The following MED13L variants were observed in gnomAD, a reference collection of about 807,000 sequenced individuals.
MED13L encodes the protein mediator of RNA polymerase II transcription subunit 13-like.
In MED13L, 7 loss-of-function variants were observed where a neutral mutation model predicts 220.9. That is an observed-to-expected ratio of 0.03 (90% CI 0.02 to 0.06). MED13L has a LOEUF of 0.06. Ranked by LOEUF, MED13L falls within the 10% of genes least tolerant of loss-of-function variation. MED13L has a pLI of 1.00. For missense variants in MED13L, 1,965 were observed against 2,760.5 expected (o/e 0.71, Z 6.46); for synonymous variants, 1,011 against 1,015.2 (o/e 1.00, Z 0.08).
intron 2 of MED13L, among the ~76,000 whole-genome samples, chr12:116,197,073 CA>C (rs1197983720): frequency 6.6e-6 from 1 of 152,178 alleles, no homozygotes; most frequent in Non-Finnish European, 1.5e-5. Context: ...CAAGACAAAG[CA>C]TACTCTTTGC....
chr12:116,144,880 A>C (rs1015980644), intron 2 of MED13L, among the ~76,000 whole-genome samples: 1 of 152,122 alleles, frequency 6.6e-6, no homozygotes. Context: ...ATGCTACAAC[A>C]CCGCTTCAAG....
intron 2 of MED13L, among the ~76,000 whole-genome samples, chr12:116,118,854 A>C (rs1039495305): frequency 6.6e-6 from 1 of 152,236 alleles, no homozygotes; most frequent in African/African-American, 2.4e-5. Flanking sequence ...AACCACTCGG[A>C]AGCAAAAATT....
intron 2 of MED13L, among the ~76,000 whole-genome samples, chr12:116,218,197 T>C (rs947453001): frequency 2.0e-5 from 3 of 152,224 alleles, no homozygotes; most frequent in African/African-American, 7.2e-5. Flanking sequence ...TCAAGTTTAC[T>C]TCGTATAATA....
chr12:116,205,943 T>G (rs1414467403), intron 2 of MED13L, among the ~76,000 whole-genome samples: 31 of 28,328 alleles, frequency 1.1e-3, no homozygotes, highest in Middle Eastern at 0.018. Flanking sequence ...TAAAAACTTG[T>G]TTTTTTTTTT....
chr12:116,030,953 T>C (rs1880701289), intron 4 of MED13L, among the ~76,000 whole-genome samples: 1 of 152,222 alleles, frequency 6.6e-6, no homozygotes, highest in Non-Finnish European at 1.5e-5. Context: ...AATGATGTGA[T>C]GAATTAACAT....
intron 1 of MED13L, among the ~76,000 whole-genome samples, chr12:116,240,762 C>T (rs1267709239): frequency 6.7e-6 from 1 of 148,324 alleles, no homozygotes; most frequent in African/African-American, 2.5e-5. Context: ...CTCCTGACCT[C>T]GTGACCCGCC....
chr12:116,138,510 A>G (rs1262951816), intron 2 of MED13L, among the ~76,000 whole-genome samples: 2 of 152,208 alleles, frequency 1.3e-5, no homozygotes, highest in African/African-American at 4.8e-5. Flanking sequence ...TCACAAAGCT[A>G]CAGCGTCTTT....
intron 1 of MED13L, among the ~76,000 whole-genome samples, chr12:116,241,343 C>A (rs7969619): frequency 0.39 from 56,360 of 143,806 alleles, 11,117 homozygotes; most frequent in South Asian, 0.47. Context: ...AAAAAAAAAA[C>A]ACACACACAC....
At chr12:116,188,400 T>C (rs768185972) in intron 2 of MED13L, among the ~76,000 whole-genome samples, 3 of 152,116 alleles carry the variant, frequency 2.0e-5, no homozygotes, top group Non-Finnish European at 4.4e-5. Flanking sequence ...TGATCTCAGT[T>C]CAAATTTTAT....
chr12:115,959,204 A>G lies in MED13L; in HGVS notation c.*2062T>C, dbSNP rs1214039844. 1 of 152,604 alleles carries G rather than the reference A, an allele frequency of 6.6e-6. No homozygotes were observed. Among genetic ancestry groups the G allele is most frequent in the Non-Finnish European group, 1.5e-5 (1 of 68,036 alleles). 9.5% of individuals were successfully genotyped at this position (152,604 alleles called of 1,614,324 possible). On this transcript the variant is annotated 3_prime_UTR_variant, in exon 31 of 31. Transcript: ENST00000281928. ...TATTTTTGCACAAAAACGTATAAAT[A>G]TGTCACCAGCTTTTCTTAACTTAAA...
chr12:115,995,652 A>G (rs968789030), intron 16 of MED13L, among the ~76,000 whole-genome samples: 1 of 152,130 alleles, frequency 6.6e-6, no homozygotes, highest in Non-Finnish European at 1.5e-5. Context: ...CAAACTCCTG[A>G]GCTCAAGCAA....
intron 21 of MED13L, 54 bp downstream of exon 21, chr12:115,983,063 A>G (rs193243830): frequency 8.9e-6 from 14 of 1,570,294 alleles, no homozygotes; most frequent in Admixed American, 5.0e-5. Flanking sequence ...GCAGAAGAAG[A>G]AGAGAGAAAG....
chr12:116,076,244 C>T (rs1252311376), intron 4 of MED13L, among the ~76,000 whole-genome samples: 2 of 152,208 alleles, frequency 1.3e-5, no homozygotes, highest in South Asian at 2.1e-4. Flanking sequence ...ATACAAAAGG[C>T]ACTTAATGGG....
At chr12:116,224,644 C>T (rs2138406845) in intron 2 of MED13L, among the ~76,000 whole-genome samples, 1 of 152,148 alleles carries the variant, frequency 6.6e-6, no homozygotes, top group South Asian at 2.1e-4. Flanking sequence ...ATGGTAACAC[C>T]TTACCGTTTG....
chr12:116,095,729 A>T (rs976838205), intron 4 of MED13L, among the ~76,000 whole-genome samples: 1 of 152,260 alleles, frequency 6.6e-6, no homozygotes, highest in Non-Finnish European at 1.5e-5. Context: ...ATGCTCATCA[A>T]TAATGAATAT....
At chr12:116,037,753 A>C (rs1283135605) in intron 4 of MED13L, among the ~76,000 whole-genome samples, 1 of 152,148 alleles carries the variant, frequency 6.6e-6, no homozygotes, top group Non-Finnish European at 1.5e-5. Flanking sequence ...GGCCTACGGG[A>C]CTTAATTCTC....
chr12:116,153,847 T>C (rs190361557), intron 2 of MED13L, among the ~76,000 whole-genome samples: 101 of 152,322 alleles, frequency 6.6e-4, no homozygotes, highest in Middle Eastern at 3.4e-3. Flanking sequence ...GGAAGGCTTA[T>C]TGACACCATG....
At chr12:116,233,380 G>A (rs1693601578) in intron 2 of MED13L, among the ~76,000 whole-genome samples, 1 of 152,198 alleles carries the variant, frequency 6.6e-6, no homozygotes, top group East Asian at 1.9e-4. Flanking sequence ...CATTAATCCT[G>A]TATTATTACT....
At position 115,969,384 on chromosome 12, in the gene MED13L, A is replaced by G. The variant is rs149922109; in HGVS notation, c.6068-287T>C. 3.7e-4 allele frequency among the ~76,000 whole-genome samples: 57 copies of G among 152,338 alleles called. No homozygotes were observed. The East Asian group carries it at 9.1e-3, about 24-fold the overall frequency. On this transcript the variant is annotated intron_variant, in intron 27 of 30. Coordinates refer to ENST00000281928, the MANE Select transcript of MED13L (RefSeq NM_015335.5). Reference sequence around the variant, plus strand: ...TCTGCATAGCCTCCAAAGACACATAAAAGTATGGTAAAAGAGCTAAAGCAA... The same window carrying G: ...TCTGCATAGCCTCCAAAGACACATAGAAGTATGGTAAAAGAGCTAAAGCAA...
Sources: allele counts gnomAD v4.1 joint callset (sites outside exome capture counted in the v4.1 genomes callset), GRCh38; gene constraint gnomAD v4.1.1; transcripts MANE v1.5; gene names NCBI Gene and HGNC (gene_info 2026-07-23, HGNC 2026-07-21).